CELF2: variants seen among roughly 807,000 people sequenced by gnomAD.
The protein encoded by CELF2 is CUG triplet repeat RNA-binding protein 2.
CELF2 carries 8 observed loss-of-function variants against 62.6 expected under a neutral mutation model. The ratio of observed to expected loss-of-function variants is 0.13; its 90% CI spans 0.07 to 0.23. CELF2 has a LOEUF of 0.23. Ranked by LOEUF, CELF2 falls within the 10% of genes least tolerant of loss-of-function variation. The probability of loss-of-function intolerance (pLI) is 1.00; values close to 1 mark genes in which losing one functional copy is unlikely to be tolerated. For synonymous variants in CELF2, 258 were observed against 250.0 expected, an observed-to-expected ratio of 1.03 and a Z score of -0.30; for missense variants, 333 against 671.0, an observed-to-expected ratio of 0.50 and a Z score of 5.56.
chr10:11,210,725 C>A (rs1001630317), intron 2 of CELF2, among the ~76,000 whole-genome samples: 2 of 152,170 alleles, frequency 1.3e-5, no homozygotes, highest in African/African-American at 4.8e-5. Flanking sequence ...AGCCTTGCTA[C>A]GCGGGGTCAG....
At chr10:10,723,035 C>T in the CELF2 span, among the ~76,000 whole-genome samples, 1 of 152,182 alleles carries the variant, frequency 6.6e-6, no homozygotes. Context: ...CTCCCTCATC[C>T]ATCATTATGT....
intron 9 of CELF2, among the ~76,000 whole-genome samples, chr10:11,299,168 GCTGTGTC>G: frequency 6.6e-6 from 1 of 152,246 alleles, no homozygotes; most frequent in African/African-American, 2.4e-5. Flanking sequence ...GAGCAAGACT[GCTGTGTC>G]CAGGCAGGAT....
chr10:11,288,366 C>G, intron 8 of CELF2, 52 bp from the exon 9 acceptor site: 2 of 1,602,180 alleles, frequency 1.2e-6, no homozygotes, highest in Non-Finnish European at 1.7e-6. Flanking sequence ...TGTTTGGAAA[C>G]TGTAGAAGTG....
At chr10:10,583,812 A>G in the CELF2 span, among the ~76,000 whole-genome samples, 1 of 152,318 alleles carries the variant, frequency 6.6e-6, no homozygotes, top group African/African-American at 2.4e-5. Context: ...ATACCAGGAG[A>G]TGTTTCAACC....
the CELF2 span, among the ~76,000 whole-genome samples, chr10:10,728,593 G>T: frequency 1.3e-5 from 2 of 152,162 alleles, no homozygotes; most frequent in Middle Eastern, 3.2e-3. Flanking sequence ...CAGAGCTGAT[G>T]ATTATGGTTA....
At chr10:10,987,048 A>G (rs189445439) in intron 2 of CELF2, among the ~76,000 whole-genome samples, 1 of 152,342 alleles carries the variant, frequency 6.6e-6, no homozygotes, top group African/African-American at 2.4e-5. Flanking sequence ...TGGATAGACT[A>G]GCTGGCAGTA....
chr10:11,194,357 C>A (rs1374261873), intron 2 of CELF2, among the ~76,000 whole-genome samples: 1 of 152,186 alleles, frequency 6.6e-6, no homozygotes, highest in African/African-American at 2.4e-5. Flanking sequence ...AGCCACCACA[C>A]CCAGCCTATT....
the CELF2 span, among the ~76,000 whole-genome samples, chr10:10,570,551 G>A: frequency 2.0e-5 from 3 of 151,940 alleles, no homozygotes; most frequent in African/African-American, 7.3e-5. Flanking sequence ...GCTAAAATGG[G>A]TGGATATGAA....
the CELF2 span, among the ~76,000 whole-genome samples, chr10:10,629,099 A>G: frequency 6.6e-6 from 1 of 152,176 alleles, no homozygotes; most frequent in Non-Finnish European, 1.5e-5. Flanking sequence ...GAACCAGGAG[A>G]TTCCCAAACT....
the CELF2 span, among the ~76,000 whole-genome samples, chr10:10,664,715 T>A: frequency 6.6e-6 from 1 of 152,164 alleles, no homozygotes; most frequent in Non-Finnish European, 1.5e-5. Flanking sequence ...ACAGAAAACG[T>A]AAGAGAAATT....
chr10:10,844,131 T>C (rs1389608745), intron 1 of CELF2, among the ~76,000 whole-genome samples: 1 of 151,980 alleles, frequency 6.6e-6, no homozygotes, highest in African/African-American at 2.4e-5. Context: ...AGTCCTGATA[T>C]TTTTTTCCTC....
At chr10:10,501,399 T>C in the CELF2 span, among the ~76,000 whole-genome samples, 2 of 152,228 alleles carry the variant, frequency 1.3e-5, no homozygotes, top group African/African-American at 4.8e-5. Flanking sequence ...GACTTCCGCG[T>C]ATCCTCTTTC....
chr10:10,569,247 T>C, the CELF2 span, among the ~76,000 whole-genome samples: 1 of 152,142 alleles, frequency 6.6e-6, no homozygotes, highest in Non-Finnish European at 1.5e-5. Context: ...CAGTTCCATC[T>C]GGCTGGGGAG....
rs543095406 is a variant in CELF2, at chr10:11,189,148, T to G, written c.271+23466T>G. ...CCGTGAATTGTGAGTATTTTCGGTC[T>G]GGCTGGTAAGGACAGGCACTATTCC... On this transcript the variant is annotated intron_variant, in intron 2 of 12. Transcript: ENST00000633077. Among the ~76,000 whole-genome samples the G allele has an allele frequency of 2.6e-5, 4 of 152,352 alleles. No homozygotes were observed. In the East Asian group the frequency reaches 7.7e-4, roughly 29 times the overall value.
At chr10:10,605,932 A>G in the CELF2 span, among the ~76,000 whole-genome samples, 2 of 152,252 alleles carry the variant, frequency 1.3e-5, no homozygotes, top group Admixed American at 1.3e-4. Context: ...AAGCATTTGC[A>G]TCATGTGCCT....
intron 1 of CELF2, among the ~76,000 whole-genome samples, chr10:11,161,510 G>A (rs1024798065): frequency 1.3e-5 from 2 of 152,216 alleles, no homozygotes; most frequent in African/African-American, 4.8e-5. Context: ...GGCACCTTTT[G>A]TGTGACATTG....
At position 11,270,832 on chromosome 10, in the gene CELF2, C is replaced by T; in HGVS notation, c.777+8C>T. ...ACCCCACAGTATCTGGCGGTAAGTG[C>T]TGGGCAATGCCGGCGTGGTCTTCAC... On this transcript the variant is annotated splice_region_variant and intron_variant, in intron 7 of 12. Coordinates refer to ENST00000633077, the MANE Select transcript of CELF2 (RefSeq NM_001326342.2). The surrounding 1 kb of genome is among the most constrained non-coding windows in gnomAD (Gnocchi z 5.8). 7.3e-7 allele frequency: 1 copy of T among 1,372,272 alleles called. No homozygotes were observed. Among genetic ancestry groups the T allele is most frequent in the South Asian group, 2.0e-5 (1 of 51,104 alleles). 85.0% of individuals were successfully genotyped at this position (1,372,272 alleles called of 1,614,324 possible).
intron 1 of CELF2, among the ~76,000 whole-genome samples, chr10:11,162,982 G>C (rs2066067085): frequency 6.6e-6 from 1 of 152,162 alleles, no homozygotes. Context: ...CTAGATGAGA[G>C]GTCTCCAGGC....
intron 1 of CELF2, among the ~76,000 whole-genome samples, chr10:11,130,217 G>A (rs1324189882): frequency 3.3e-5 from 5 of 152,082 alleles, no homozygotes; most frequent in African/African-American, 1.2e-4. Flanking sequence ...CTCTAATTTG[G>A]TTGCACTGTG....
Sources: gnomAD v4.1 joint callset for allele counts (sites outside exome capture counted in the v4.1 genomes callset) on GRCh38, gnomAD v4.1.1 for gene constraint, Gnocchi (gnomAD v3.1) non-coding constraint, MANE v1.5 for transcripts, NCBI Gene and HGNC (gene_info 2026-07-23, HGNC 2026-07-21) for gene names.